PATJ: variants seen among roughly 807,000 people sequenced by gnomAD.
The protein encoded by PATJ is PATJ crumbs cell polarity complex component.
Under a neutral mutation model 224.9 loss-of-function variants are expected in PATJ, and 190 were observed. The ratio of observed to expected loss-of-function variants is 0.84; its 90% CI spans 0.75 to 0.95. PATJ has a LOEUF of 0.95. Ranked by LOEUF, PATJ falls within the 40% of genes least tolerant of loss-of-function variation. The pLI is 0.00. For missense variants in PATJ, 2,121 were observed against 2,270.3 expected (o/e 0.93, Z 1.34); for synonymous variants, 769 against 820.3 (o/e 0.94, Z 1.07).
intron 29 of PATJ, among the ~76,000 whole-genome samples, chr1:62,032,532 C>A (rs962070132): frequency 2.0e-5 from 3 of 152,048 alleles, no homozygotes; most frequent in Non-Finnish European, 4.4e-5. Flanking sequence ...AAACTGGGGG[C>A]AGGAATTTTG....
rs143035955 is a variant in PATJ at position 61,990,109 on chromosome 1, A to T, written c.3671-59A>T. On this transcript the variant is annotated intron_variant, in intron 27 of 43. Transcript: ENST00000642238. The stretch of plus-strand genomic sequence containing the variant: ...TCACAGTAAGGATGGGGAAATGCTG[A>T]CATCTCAATAATACAGATCAAGCTA... 7.3e-4 allele frequency: 889 copies of T among 1,213,178 alleles called. 7 individuals are homozygous for T. The African/African-American group carries it at 0.012, about 17-fold the overall frequency. 75.2% of individuals were successfully genotyped at this position (1,213,178 alleles called of 1,614,324 possible).
intron 14 of PATJ, among the ~76,000 whole-genome samples, chr1:61,821,964 C>T (rs906984893): frequency 3.9e-5 from 6 of 152,156 alleles, no homozygotes; most frequent in African/African-American, 1.2e-4. Context: ...GCCCTTGACT[C>T]GTATCTCAGC....
intron 7 of PATJ, 141 bp downstream of exon 7, chr1:61,775,475 G>A: frequency 2.8e-6 from 2 of 712,216 alleles, no homozygotes; most frequent in Non-Finnish European, 4.5e-6. Flanking sequence ...GATTTATTCT[G>A]TAAGTATTAT....
chr1:62,028,481 C>A (rs1161193688), intron 29 of PATJ, among the ~76,000 whole-genome samples: 3 of 152,200 alleles, frequency 2.0e-5, no homozygotes, highest in African/African-American at 7.2e-5. Flanking sequence ...AGTTGAAAAT[C>A]CCTTAATCAT....
chr1:61,935,614 A>C (rs532444513), intron 27 of PATJ, among the ~76,000 whole-genome samples: 86 of 152,262 alleles, frequency 5.6e-4, no homozygotes, highest in Non-Finnish European at 9.1e-4. Context: ...CCAACATAAT[A>C]AGACCCTGTC....
chr1:61,949,661 C>T (rs774082596), intron 27 of PATJ, among the ~76,000 whole-genome samples: 3 of 152,198 alleles, frequency 2.0e-5, no homozygotes, highest in Non-Finnish European at 4.4e-5. Flanking sequence ...AATCCCAGCA[C>T]TTTGGGAGGC....
At chr1:61,791,477 G>T in intron 9 of PATJ, 30 bp downstream of exon 9, 1 of 1,364,452 alleles carries the variant, frequency 7.3e-7, no homozygotes, top group East Asian at 2.3e-5. Context: ...TTTATATTTG[G>T]AAATTGTAAA....
chr1:61,864,165 T>G, intron 19 of PATJ, 73 bp from the exon 20 acceptor site: 2 of 1,348,352 alleles, frequency 1.5e-6, no homozygotes, highest in Non-Finnish European at 1.0e-6. Context: ...ATTTGAAAAT[T>G]TTCCAGTTTA....
intron 1 of PATJ, among the ~76,000 whole-genome samples, chr1:61,745,022 T>C (rs1644954063): frequency 6.6e-6 from 1 of 152,168 alleles, no homozygotes; most frequent in African/African-American, 2.4e-5. Context: ...CATGCCACCC[T>C]CCAGGAACCT....
chr1:62,038,759 A>C, intron 30 of PATJ: 1 of 447,854 alleles, frequency 2.2e-6, no homozygotes, highest in Non-Finnish European at 4.2e-6. Flanking sequence ...CCCTTTTAAT[A>C]AAAATGTGAT....
chr1:62,012,646 T>G (rs1312947432), intron 28 of PATJ, among the ~76,000 whole-genome samples: 6 of 152,194 alleles, frequency 3.9e-5, no homozygotes, highest in Non-Finnish European at 8.8e-5. Flanking sequence ...GCATATTTCC[T>G]TTAGTGATGA....
chr1:61,996,741 C>CTTTTTTTTTTT (rs56215259), intron 28 of PATJ, among the ~76,000 whole-genome samples: 3 of 97,742 alleles, frequency 3.1e-5, no homozygotes, highest in Non-Finnish European at 4.1e-5. Context: ...CTTTTCTTTT[C>CTTTTTTTTTTT]TTTTTTTTTT....
chr1:62,068,699 G>A (rs1474085032), intron 31 of PATJ, among the ~76,000 whole-genome samples: 1 of 152,160 alleles, frequency 6.6e-6, no homozygotes, highest in African/African-American at 2.4e-5. Flanking sequence ...TCTGTTATAT[G>A]GGATATTGCC....
At chr1:61,955,735 G>A (rs998441987) in intron 27 of PATJ, among the ~76,000 whole-genome samples, 1 of 152,154 alleles carries the variant, frequency 6.6e-6, no homozygotes, top group African/African-American at 2.4e-5. Context: ...ATAATGTTAT[G>A]AGTTTTTTGA....
chr1:62,053,642 CT>C (rs1348481135), intron 31 of PATJ, among the ~76,000 whole-genome samples: 1 of 152,050 alleles, frequency 6.6e-6, no homozygotes, highest in Non-Finnish European at 1.5e-5. Flanking sequence ...TCGCTTGAAC[CT>C]GGGAGATGGA....
chr1:61,999,439 G>A (rs1373712250), intron 28 of PATJ, among the ~76,000 whole-genome samples: 3 of 152,052 alleles, frequency 2.0e-5, no homozygotes, highest in African/African-American at 4.8e-5. Flanking sequence ...AGGCTGAGGT[G>A]GGCAGATCAC....
At chr1:61,767,665 T>C (rs1646357171) in intron 4 of PATJ, among the ~76,000 whole-genome samples, 1 of 149,604 alleles carries the variant, frequency 6.7e-6, no homozygotes, top group South Asian at 2.1e-4. Context: ...CTTTCTTTCT[T>C]TCCTTTTCTT....
At chr1:61,990,459 C>A in intron 28 of PATJ, 95 bp downstream of exon 28, 2 of 744,912 alleles carry the variant, frequency 2.7e-6, no homozygotes, top group South Asian at 3.3e-5. Context: ...AGAATGATGT[C>A]AAATTATATT....
In PATJ at chr1:61,955,849, C is replaced by A. The variant is rs947526855; in HGVS notation, c.3670+28020C>A. 2.0e-5 allele frequency among the ~76,000 whole-genome samples: 3 copies of A among 152,170 alleles called. No homozygotes were observed. The East Asian group carries it at 5.8e-4, about 29-fold the overall frequency. ...ATGCATCTTCTCAAGTAATCCATTT[C>A]ATTAGTGAAGCCAAATTGATTGCTA... On this transcript the variant is annotated intron_variant, in intron 27 of 43. Coordinates refer to ENST00000642238, the MANE Select transcript of PATJ (RefSeq NM_001350145.3).
Sources: gnomAD v4.1 joint callset for allele counts (sites outside exome capture counted in the v4.1 genomes callset) on GRCh38, gnomAD v4.1.1 for gene constraint, MANE v1.5 for transcripts, NCBI Gene and HGNC (gene_info 2026-07-23, HGNC 2026-07-21) for gene names.